AKAP19: variants seen among roughly 807,000 people sequenced by gnomAD.
AKAP19 encodes A-kinase anchoring protein 19, also known as small A-kinase anchoring protein.
the AKAP19 span, among the ~76,000 whole-genome samples, chr2:189,919,904 C>G: frequency 1.3e-5 from 2 of 152,128 alleles, no homozygotes; most frequent in Admixed American, 1.3e-4. Flanking sequence ...CTTTTTCTCC[C>G]TTCCTCCCTT....
the AKAP19 span, among the ~76,000 whole-genome samples, chr2:190,074,462 C>T: frequency 6.6e-6 from 1 of 151,966 alleles, no homozygotes; most frequent in Admixed American, 6.6e-5. Context: ...ACCATCCTGG[C>T]CAACATGGTG....
At chr2:190,189,277 C>T in the AKAP19 span, among the ~76,000 whole-genome samples, 1 of 152,200 alleles carries the variant, frequency 6.6e-6, no homozygotes, top group Non-Finnish European at 1.5e-5. Context: ...AAAGTTAACA[C>T]TTAAAAACAT....
chr2:189,923,241 C>G, the AKAP19 span: 4 of 1,278,710 alleles, frequency 3.1e-6, no homozygotes, highest in Non-Finnish European at 4.4e-6. Context: ...GTCGGCTTCT[C>G]TACGCAGAAC....
At chr2:189,933,111 T>G in the AKAP19 span, among the ~76,000 whole-genome samples, 1 of 152,210 alleles carries the variant, frequency 6.6e-6, no homozygotes, top group Non-Finnish European at 1.5e-5. Flanking sequence ...GAGAAAAAAC[T>G]TATATAATCA....
At chr2:190,011,550 G>C in the AKAP19 span, among the ~76,000 whole-genome samples, 1 of 152,066 alleles carries the variant, frequency 6.6e-6, no homozygotes, top group Non-Finnish European at 1.5e-5. Flanking sequence ...TTCTTCTAGT[G>C]GTTTTGCAGT....
At chr2:190,174,105 T>C in the AKAP19 span, among the ~76,000 whole-genome samples, 4 of 152,218 alleles carry the variant, frequency 2.6e-5, no homozygotes, top group African/African-American at 9.7e-5. Flanking sequence ...TAGCTTAGAC[T>C]GTGTGGTCCA....
chr2:190,115,274 TA>T, the AKAP19 span, among the ~76,000 whole-genome samples: 37 of 3,868 alleles, frequency 9.6e-3, no homozygotes, highest in Non-Finnish European at 0.021. Context: ...TATATATATA[TA>T]TATATATATA....
the AKAP19 span, among the ~76,000 whole-genome samples, chr2:190,130,994 G>A: frequency 6.6e-6 from 1 of 152,182 alleles, no homozygotes; most frequent in Non-Finnish European, 1.5e-5. Flanking sequence ...AGAGACCAGA[G>A]TGAAGGCTGT....
the AKAP19 span, among the ~76,000 whole-genome samples, chr2:189,962,286 C>G: frequency 6.6e-6 from 1 of 152,146 alleles, no homozygotes; most frequent in South Asian, 2.1e-4. Flanking sequence ...TGTAGGCATG[C>G]AGCTTATACC....
chr2:190,100,103 G>C, the AKAP19 span, among the ~76,000 whole-genome samples: 1 of 152,156 alleles, frequency 6.6e-6, no homozygotes, highest in Admixed American at 6.5e-5. Context: ...AGCTAAAACA[G>C]CTATTTAGAT....
the AKAP19 span, among the ~76,000 whole-genome samples, chr2:189,883,976 TA>T: frequency 6.6e-6 from 1 of 152,192 alleles, no homozygotes; most frequent in Non-Finnish European, 1.5e-5. Context: ...AGAACTTAAA[TA>T]TTCAGATAGA....
At chr2:190,039,865 T>G in the AKAP19 span, among the ~76,000 whole-genome samples, 1 of 152,232 alleles carries the variant, frequency 6.6e-6, no homozygotes, top group Non-Finnish European at 1.5e-5. Context: ...TTCTTTTTTA[T>G]GGTCACATAG....
At chr2:190,144,296 G>C in the AKAP19 span, among the ~76,000 whole-genome samples, 1 of 147,256 alleles carries the variant, frequency 6.8e-6, no homozygotes, top group African/African-American at 2.5e-5. Context: ...TAAAAAGAAA[G>C]TACCCTAATA....
the AKAP19 span, among the ~76,000 whole-genome samples, chr2:189,984,602 T>C: frequency 6.6e-6 from 1 of 152,154 alleles, no homozygotes; most frequent in Admixed American, 6.5e-5. Context: ...CTGACAGGAT[T>C]AAGAGATTAA....
chr2:189,994,811 C>G, the AKAP19 span, among the ~76,000 whole-genome samples: 1 of 152,220 alleles, frequency 6.6e-6, no homozygotes, highest in African/African-American at 2.4e-5. Flanking sequence ...GTTGGCCAGG[C>G]TGGTCTCAAA....
At chr2:190,148,373 A>G in the AKAP19 span, among the ~76,000 whole-genome samples, 1 of 152,168 alleles carries the variant, frequency 6.6e-6, no homozygotes, top group Admixed American at 6.5e-5. Context: ...ATTATGGTGG[A>G]TTATCTTTTT....
the AKAP19 span, among the ~76,000 whole-genome samples, chr2:189,915,362 T>A: frequency 2.0e-5 from 3 of 152,182 alleles, no homozygotes; most frequent in Non-Finnish European, 4.4e-5. Flanking sequence ...ATATCAGTTA[T>A]TATCAAAACT....
chr2:190,075,899 T>C, the AKAP19 span, among the ~76,000 whole-genome samples: 1 of 152,170 alleles, frequency 6.6e-6, no homozygotes, highest in African/African-American at 2.4e-5. Flanking sequence ...CATTTTTCTT[T>C]TTCTATCTTC....
the AKAP19 span, among the ~76,000 whole-genome samples, chr2:189,882,422 A>G: frequency 6.6e-6 from 1 of 152,148 alleles, no homozygotes; most frequent in Non-Finnish European, 1.5e-5. Context: ...TATACATTTT[A>G]GGGAGACATG....
Sources: gnomAD v4.1 joint callset for allele counts (sites outside exome capture counted in the v4.1 genomes callset) on GRCh38, gnomAD v4.1.1 for gene constraint, MANE v1.5 for transcripts, NCBI Gene and HGNC (gene_info 2026-07-23, HGNC 2026-07-21) for gene names.